Variants in OSBPL9 observed in about 807,000 individuals in gnomAD.
The protein encoded by OSBPL9 is oxysterol-binding protein-related protein 9.
Under a neutral mutation model 106.6 loss-of-function variants are expected in OSBPL9, and 40 were observed. That is an observed-to-expected ratio of 0.38 (90% CI 0.29 to 0.49). The LOEUF (loss-of-function observed/expected upper bound fraction) is 0.49. Ranked by LOEUF, OSBPL9 falls within the 20% of genes least tolerant of loss-of-function variation. OSBPL9 has a pLI of 0.97. For missense variants in OSBPL9, 609 were observed against 887.2 expected (o/e 0.69, Z 3.98); for synonymous variants, 269 against 295.4 (o/e 0.91, Z 0.92).
intron 1 of OSBPL9, among the ~76,000 whole-genome samples, chr1:51,647,217 A>G (rs1344871558): frequency 1.3e-5 from 2 of 152,070 alleles, no homozygotes; most frequent in Admixed American, 1.3e-4. Flanking sequence ...TTAATATGGT[A>G]TATTATATTG....
At chr1:51,708,269 T>TC (rs371308653) in intron 3 of OSBPL9, 22 of 151,356 alleles carry the variant, frequency 1.5e-4, no homozygotes, top group Non-Finnish European at 1.3e-4. Flanking sequence ...TTTTTCTTTT[T>TC]TTTTTTTTTT....
At chr1:51,775,460 CCAAA>C (rs918829822) in intron 14 of OSBPL9, among the ~76,000 whole-genome samples, 26 of 152,102 alleles carry the variant, frequency 1.7e-4, no homozygotes, top group African/African-American at 6.3e-4. Context: ...TTCTGTTCCC[CCAAA>C]CAGAGCATGA....
At chr1:51,772,348 C>A (rs1259070286) in intron 13 of OSBPL9, among the ~76,000 whole-genome samples, 166 bp downstream of exon 13, 4 of 152,098 alleles carry the variant, frequency 2.6e-5, no homozygotes, top group Non-Finnish European at 5.9e-5. Context: ...CCCATCTCTA[C>A]TAAAAAAATA....
chr1:51,661,630 G>A (rs1418128656), intron 2 of OSBPL9, among the ~76,000 whole-genome samples: 2 of 152,188 alleles, frequency 1.3e-5, no homozygotes, highest in African/African-American at 2.4e-5. Flanking sequence ...TGTTTATTAT[G>A]TTGGCACAAT....
chr1:51,601,439 C>T (rs1645324939), intron 2 of OSBPL9, among the ~76,000 whole-genome samples: 1 of 152,252 alleles, frequency 6.6e-6, no homozygotes, highest in Non-Finnish European at 1.5e-5. Context: ...AGGCAAAGAA[C>T]TTTGCAGTTA....
At chr1:51,682,828 A>G (rs1360364979) in intron 3 of OSBPL9, among the ~76,000 whole-genome samples, 1 of 151,390 alleles carries the variant, frequency 6.6e-6, no homozygotes, top group African/African-American at 2.4e-5. Flanking sequence ...TTTCCTTTCT[A>G]ATTTTTTTTT....
At chr1:51,562,770 C>T in the OSBPL9 span, among the ~76,000 whole-genome samples, 1 of 152,126 alleles carries the variant, frequency 6.6e-6, no homozygotes, top group South Asian at 2.1e-4. Flanking sequence ...CAGTTGAGGC[C>T]GTTCTCTTCC....
rs1346347647 is a variant in OSBPL9 at position 51,701,945 on chromosome 1, G to C, written c.242-12058G>C. Among the ~76,000 whole-genome samples the C allele has an allele frequency of 6.6e-5, 10 of 152,208 alleles. No individual in the cohort carries two copies. In the East Asian group the frequency reaches 1.9e-3, roughly 29 times the overall value. ...AGTTTGCTGAGAATGATGGTTTCCA[G>C]CTTGATCCATGTCCCTACAAAGGAC... On this transcript the variant is annotated intron_variant, in intron 3 of 23. Transcript: ENST00000428468.
intron 3 of OSBPL9, chr1:51,709,158 G>C (rs1571228490): frequency 6.3e-6 from 1 of 159,728 alleles, no homozygotes; most frequent in African/African-American, 2.4e-5. Flanking sequence ...AGTTGAGCCA[G>C]TCAAGGCACT....
chr1:51,779,772 A>T (rs1675896167), intron 15 of OSBPL9, among the ~76,000 whole-genome samples: 1 of 152,214 alleles, frequency 6.6e-6, no homozygotes, highest in African/African-American at 2.4e-5. Flanking sequence ...TCAAAAGAAG[A>T]TAATGATAAT....
chr1:51,643,538 C>T (rs75812312), intron 1 of OSBPL9, among the ~76,000 whole-genome samples: 1 of 152,040 alleles, frequency 6.6e-6, no homozygotes, highest in Non-Finnish European at 1.5e-5. Flanking sequence ...TGGGTGGGGC[C>T]CAGGGATGAT....
intron 3 of OSBPL9, among the ~76,000 whole-genome samples, chr1:51,689,684 G>A (rs949714598): frequency 1.3e-5 from 2 of 152,200 alleles, no homozygotes; most frequent in African/African-American, 4.8e-5. Context: ...AGTTGAGTCT[G>A]AGACTCTTCC....
At chr1:51,627,397 C>G (rs1188257666) in intron 1 of OSBPL9, among the ~76,000 whole-genome samples, 1 of 152,126 alleles carries the variant, frequency 6.6e-6, no homozygotes, top group Non-Finnish European at 1.5e-5. Context: ...GGAAAGACTT[C>G]TTTCTCCATT....
chr1:51,651,946 A>G (rs757040909), intron 1 of OSBPL9, 45 bp from the exon 2 acceptor site: 7 of 1,458,920 alleles, frequency 4.8e-6, no homozygotes, highest in Non-Finnish European at 6.7e-6. Context: ...ACAATTTACC[A>G]GTCTGTTAAT....
chr1:51,691,693 T>C (rs978780342), intron 3 of OSBPL9, among the ~76,000 whole-genome samples: 1 of 152,162 alleles, frequency 6.6e-6, no homozygotes, highest in Admixed American at 6.5e-5. Flanking sequence ...TGTATAGTTA[T>C]AAAAATATTT....
chr1:51,773,755 T>C (rs902107389), intron 14 of OSBPL9, among the ~76,000 whole-genome samples: 3 of 152,224 alleles, frequency 2.0e-5, no homozygotes, highest in Non-Finnish European at 2.9e-5. Flanking sequence ...GACTAATTCA[T>C]AATACCTTCA....
intron 2 of OSBPL9, among the ~76,000 whole-genome samples, chr1:51,666,091 G>T (rs111588445): frequency 6.6e-6 from 1 of 151,978 alleles, no homozygotes; most frequent in Non-Finnish European, 1.5e-5. Flanking sequence ...CAGGTGATCC[G>T]CCCGCCTCGG....
chr1:51,680,532 G>A (rs1057304772), intron 3 of OSBPL9, among the ~76,000 whole-genome samples: 2 of 151,730 alleles, frequency 1.3e-5, no homozygotes, highest in African/African-American at 4.8e-5. Flanking sequence ...GTGGTGGTAC[G>A]TGCCTGTAGT....
chr1:51,689,067 T>C (rs1042229178), intron 3 of OSBPL9, among the ~76,000 whole-genome samples: 9 of 152,212 alleles, frequency 5.9e-5, no homozygotes, highest in Admixed American at 2.6e-4. Context: ...CTCTACCTTA[T>C]ACCCTGAAGA....
Sources: allele counts gnomAD v4.1 joint callset (sites outside exome capture counted in the v4.1 genomes callset), GRCh38; gene constraint gnomAD v4.1.1; transcripts MANE v1.5; gene names NCBI Gene and HGNC (gene_info 2026-07-23, HGNC 2026-07-21).